Variants in NOP9 observed in about 807,000 individuals in gnomAD.
NOP9 encodes the protein nucleolar protein 9.
NOP9 carries 50 observed loss-of-function variants against 63.0 expected under a neutral mutation model. The ratio of observed to expected loss-of-function variants is 0.79; its 90% CI spans 0.63 to 1.00. NOP9 has a LOEUF of 1.00. Ranked by LOEUF, NOP9 falls within the 50% of genes least tolerant of loss-of-function variation. NOP9 has a pLI of 0.00. For synonymous variants in NOP9, 343 were observed against 332.8 expected, an observed-to-expected ratio of 1.03 and a Z score of -0.33; for missense variants, 758 against 803.0, an observed-to-expected ratio of 0.94 and a Z score of 0.68.
Position 24,304,114 on chromosome 14 carries a change from A to G in NOP9, c.1484A>G (p.His495Arg). Residue 495 changes from histidine to arginine, a missense_variant, in exon 8 of 10, where the codon CAC becomes CGC. By Grantham distance (29) the His-to-Arg change is conservative. Coordinates refer to ENST00000267425, the MANE Select transcript of NOP9 (RefSeq NM_174913.3). ...TCTCTACTGCTCCAGCATCTGCTGCACTTCTCCACTCCTGGTCTTGTACTT... is the reference window on the plus strand; with the variant it reads ...TCTCTACTGCTCCAGCATCTGCTGCGCTTCTCCACTCCTGGTCTTGTACTT... The part of the protein sequence containing the change: ...LGSLLLQHLL[H>R]FSTPGLVLRS... 1 of 1,614,202 alleles carries G rather than the reference A, an allele frequency of 6.2e-7. No individual in the cohort carries two copies. Among genetic ancestry groups the G allele is most frequent in the African/African-American group, 1.3e-5 (1 of 75,056 alleles).
intron 2 of NOP9, 150 bp downstream of exon 2, chr14:24,301,007 G>A: frequency 1.5e-6 from 1 of 683,382 alleles, no homozygotes; most frequent in Non-Finnish European, 2.4e-6. Context: ...GGCTTAGCAA[G>A]CCAAAGATTA....
chr14:24,291,736 C>A, the NOP9 span: 1 of 1,151,376 alleles, frequency 8.7e-7, no homozygotes, highest in Non-Finnish European at 1.3e-6. Context: ...CCAAAGAGGC[C>A]AAAGACCTCA....
At chr14:24,277,136 G>A in the NOP9 span, among the ~76,000 whole-genome samples, 1 of 152,200 alleles carries the variant, frequency 6.6e-6, no homozygotes, top group African/African-American at 2.4e-5. Context: ...AAGATGCAGG[G>A]ACGAAGGGAA....
Position 24,300,184 on chromosome 14 carries a change from A to G in NOP9, c.230A>G (p.Glu77Gly), listed in dbSNP as rs1460374386. ...RALSALKEAP[E>G]TGEERDLMVH... ...CTGTCAGCATTGAAAGAGGCTCCCG[A>G]GACTGGGGAAGAACGAGGTAGGCAG... Residue 77 changes from glutamate to glycine, a missense_variant, in exon 1 of 10, where the codon GAG (glutamate) becomes GGG (glycine). Physicochemically the swap from Glu to Gly is moderately conservative, Grantham distance 98 (BLOSUM62 -2). Transcript: ENST00000267425. 2 of 1,613,986 alleles carry G rather than the reference A, an allele frequency of 1.2e-6. No individual in the cohort carries two copies. Among genetic ancestry groups the G allele is most frequent in the Non-Finnish European group, 1.7e-6 (2 of 1,179,912 alleles).
chr14:24,280,284 A>G, the NOP9 span, among the ~76,000 whole-genome samples: 1 of 152,164 alleles, frequency 6.6e-6, no homozygotes, highest in Non-Finnish European at 1.5e-5. Context: ...CTGGGTGAGC[A>G]CCTGATGGGG....
the NOP9 span, chr14:24,293,030 C>A: frequency 2.1e-6 from 1 of 477,274 alleles, no homozygotes; most frequent in Admixed American, 4.0e-5. Flanking sequence ...AGAGCCCTGT[C>A]ACAATAACAA....
At chr14:24,285,385 C>T in the NOP9 span, among the ~76,000 whole-genome samples, 1 of 152,138 alleles carries the variant, frequency 6.6e-6, no homozygotes, top group East Asian at 1.9e-4. Context: ...GCATTAGGAC[C>T]TGGGAAGGGG....
the NOP9 span, among the ~76,000 whole-genome samples, chr14:24,279,861 C>T: frequency 6.6e-6 from 1 of 152,210 alleles, no homozygotes; most frequent in African/African-American, 2.4e-5. Flanking sequence ...GAGGCAGAAG[C>T]CCTGACGTTC....
At chr14:24,271,655 C>G in the NOP9 span, 6 of 152,840 alleles carry the variant, frequency 3.9e-5, no homozygotes, top group Admixed American at 3.9e-4. Context: ...TGCGCGGGGG[C>G]TCTGCGCTCG....
Position 24,307,318 on chromosome 14 carries a change from T to C in NOP9, c.*2223T>C. 6.4e-7 allele frequency: 1 copy of C among 1,565,324 alleles called. No homozygotes were observed. Among genetic ancestry groups the C allele is most frequent in the Non-Finnish European group, 8.7e-7 (1 of 1,151,820 alleles). On this transcript the variant is annotated 3_prime_UTR_variant, in exon 10 of 10. Coordinates refer to ENST00000267425, the MANE Select transcript of NOP9 (RefSeq NM_174913.3). ...CCATCATCACAAGTTGCCACTGTTG[T>C]GGAGCCCCTTGGCTACCCCTGCTAT...
upstream of NOP9, chr14:24,296,401 G>C: frequency 9.4e-7 from 1 of 1,069,110 alleles, no homozygotes; most frequent in South Asian, 1.3e-5. Flanking sequence ...GGAGAAGAAA[G>C]AGATGGGGGA....
the NOP9 span, chr14:24,292,141 C>G: frequency 6.2e-7 from 1 of 1,612,124 alleles, no homozygotes; most frequent in East Asian, 2.2e-5. Flanking sequence ...ATGCAGAGGC[C>G]GACTCCCCTG....
intron 1 of NOP9, 71 bp from the exon 2 acceptor site, chr14:24,300,337 T>G: frequency 6.4e-7 from 1 of 1,556,694 alleles, no homozygotes; most frequent in Non-Finnish European, 8.7e-7. Flanking sequence ...CCACGACCCT[T>G]GGTTAAGCGA....
Position 24,303,069 on chromosome 14 carries a change from A to T in NOP9, c.1144-5A>T. On this transcript the variant is annotated splice_polypyrimidine_tract_variant and splice_region_variant and intron_variant, in intron 5 of 9. Coordinates refer to ENST00000267425, the MANE Select transcript of NOP9 (RefSeq NM_174913.3). ...GCCAGAGTTACATTCCATGTTTCCC[A>T]TCAGCTGTCCCCTGTGTTTGAGGAG... The T allele has an allele frequency of 6.6e-7, 1 of 1,513,772 alleles. No individual in the cohort carries two copies. Among genetic ancestry groups the T allele is most frequent in the South Asian group, 1.3e-5 (1 of 76,874 alleles). 93.8% of individuals were successfully genotyped at this position (1,513,772 alleles called of 1,614,324 possible).
rs1316057739 is a variant in NOP9 at position 24,299,865 on chromosome 14, C to T, written c.-90C>T. On this transcript the variant is annotated 5_prime_UTR_variant, in exon 1 of 10. Transcript: ENST00000267425. ...TCAGGAGCGCGCCCGCGTTTCTAAA[C>T]TTTGTCTGGATAAGGCGCACGCTTG... is the stretch of plus-strand genomic sequence containing the variant. The T allele has an allele frequency of 7.6e-6, 11 of 1,449,536 alleles. No individual in the cohort carries two copies. In the South Asian group the frequency reaches 1.5e-4, roughly 19 times the overall value. 89.8% of individuals were successfully genotyped at this position (1,449,536 alleles called of 1,614,324 possible). A position where few individuals can be genotyped will look rare whatever the true frequency, so the allele number is the denominator to read the frequency against.
chr14:24,296,531 C>T (rs766291638), upstream of NOP9: 16 of 1,614,030 alleles, frequency 9.9e-6, no homozygotes, highest in African/African-American at 1.3e-5. Flanking sequence ...TTGTTGATAT[C>T]ATCCCACATG....
At chr14:24,291,283 C>A in the NOP9 span, 9 of 1,536,544 alleles carry the variant, frequency 5.9e-6, no homozygotes, top group Non-Finnish European at 8.1e-6. Context: ...AAGGTTTGGG[C>A]CCAGTTGGAC....
chr14:24,301,584 A>C, intron 2 of NOP9, 28 bp from the exon 3 acceptor site: 1 of 1,613,370 alleles, frequency 6.2e-7, no homozygotes, highest in South Asian at 1.1e-5. Context: ...TGATCTCCCC[A>C]CTGCACATGT....
the NOP9 span, among the ~76,000 whole-genome samples, chr14:24,283,556 C>T: frequency 6.6e-6 from 1 of 152,172 alleles, no homozygotes; most frequent in African/African-American, 2.4e-5. Context: ...GCTGAGATCG[C>T]ACCACCCACT....
Sources: gnomAD v4.1 joint callset for allele counts (sites outside exome capture counted in the v4.1 genomes callset) on GRCh38, gnomAD v4.1.1 for gene constraint, MANE v1.5 for transcripts, NCBI Gene and HGNC (gene_info 2026-07-23, HGNC 2026-07-21) for gene names.